The following SEC63 variants were observed in gnomAD, a reference collection of about 807,000 sequenced individuals.
SEC63 encodes the protein translocation protein SEC63 homolog.
A neutral mutation model predicts 116.2 loss-of-function variants in SEC63; 56 were observed. The observed-to-expected ratio is 0.48, with a 90% confidence interval of 0.39 to 0.60. SEC63 has a LOEUF of 0.60. Ranked by LOEUF, SEC63 falls within the 20% of genes least tolerant of loss-of-function variation. The pLI is 0.00. For missense variants in SEC63, 668 were observed against 900.0 expected, an observed-to-expected ratio of 0.74 and a Z score of 3.30; for synonymous variants, 273 against 294.6, an observed-to-expected ratio of 0.93 and a Z score of 0.75.
At chr6:107,941,453 T>C (rs1318948970) in intron 1 of SEC63, among the ~76,000 whole-genome samples, 2 of 150,748 alleles carry the variant, frequency 1.3e-5, no homozygotes, top group African/African-American at 4.9e-5. Context: ...CAATGAGCCA[T>C]GACTGTGCCA....
chr6:107,873,555 GA>G (rs1786184261), intron 19 of SEC63, among the ~76,000 whole-genome samples: 1 of 151,784 alleles, frequency 6.6e-6, no homozygotes, highest in Admixed American at 6.6e-5. Flanking sequence ...AAAAAAACTA[GA>G]AAAAATCATG....
At chr6:107,911,939 A>G (rs1787293188) in intron 6 of SEC63, among the ~76,000 whole-genome samples, 1 of 152,106 alleles carries the variant, frequency 6.6e-6, no homozygotes, top group Admixed American at 6.6e-5. Flanking sequence ...TTTTTCTCCT[A>G]TTACTTGATC....
intron 7 of SEC63, among the ~76,000 whole-genome samples, chr6:107,910,231 C>T (rs766553569): frequency 3.3e-5 from 5 of 151,858 alleles, no homozygotes; most frequent in East Asian, 1.9e-4. Flanking sequence ...TTTGAGAGGC[C>T]GAGGCAGGAT....
intron 7 of SEC63, 119 bp downstream of exon 7, chr6:107,911,227 C>CT (rs1232895849): frequency 2.6e-6 from 2 of 779,080 alleles, no homozygotes; most frequent in African/African-American, 3.5e-5. Flanking sequence ...TGGCAAGACT[C>CT]TTAAATTCAA....
chr6:107,957,455 A>G (rs11759897), intron 1 of SEC63: 77,766 of 154,196 alleles, frequency 0.5, 21,207 homozygotes, highest in South Asian at 0.65. Flanking sequence ...TGCAACAGGG[A>G]AACCGGAGTC....
chr6:107,946,333 A>G (rs1319019247), intron 1 of SEC63, among the ~76,000 whole-genome samples: 2 of 151,694 alleles, frequency 1.3e-5, no homozygotes, highest in Admixed American at 1.3e-4. Flanking sequence ...CCCGGGTCCA[A>G]GCAATTCTCC....
chr6:107,884,765 G>A (rs984599409), intron 16 of SEC63, among the ~76,000 whole-genome samples: 1 of 152,044 alleles, frequency 6.6e-6, no homozygotes, highest in African/African-American at 2.4e-5. Flanking sequence ...ACCAATATTT[G>A]CTCTTAAAAA....
In SEC63 at chr6:107,897,637, T is replaced by G; in HGVS notation, c.1440+12A>C. On this transcript the variant is annotated intron_variant, in intron 14 of 20. Coordinates refer to ENST00000369002, the MANE Select transcript of SEC63 (RefSeq NM_007214.5). ...AACTCTTAAAGCATAAAAATACAGATAGACTACTTACAGCCATTGTTTGCC... is the reference window on the plus strand; with the variant it reads ...AACTCTTAAAGCATAAAAATACAGAGAGACTACTTACAGCCATTGTTTGCC... 6.6e-7 allele frequency: 1 copy of G among 1,515,176 alleles called. No individual in the cohort carries two copies. Among genetic ancestry groups the G allele is most frequent in the Non-Finnish European group, 9.2e-7 (1 of 1,090,148 alleles). 93.9% of individuals were successfully genotyped at this position (1,515,176 alleles called of 1,614,324 possible). A position where few individuals can be genotyped will look rare whatever the true frequency, so the allele number is the denominator to read the frequency against.
rs781747090 is a variant in SEC63 at position 107,876,570 on chromosome 6, T to C, written c.2028A>G (p.Thr676=). 10 of 1,586,198 alleles carry C rather than the reference T, an allele frequency of 6.3e-6. No homozygotes were observed. The highest frequency in any genetic ancestry group is 3.3e-5 in the Admixed American group (2 of 59,828). ...CATGTTGCTTGATAGTTACCTCCTCTGTATCTTTCAGCGTACACACATGAT... is the reference window on the plus strand; with the variant it reads ...CATGTTGCTTGATAGTTACCTCCTCCGTATCTTTCAGCGTACACACATGAT... ...MPYHVCTLKD[T]EEVELKFPAP... Residue 676 remains threonine, a synonymous_variant, in exon 19 of 21, where the codon ACA becomes ACG. Transcript: ENST00000369002.
At chr6:107,898,712 AT>A (rs1786924010) in intron 13 of SEC63, among the ~76,000 whole-genome samples, 1 of 152,222 alleles carries the variant, frequency 6.6e-6, no homozygotes, top group African/African-American at 2.4e-5. Context: ...AACAAAATAA[AT>A]AAAAATAAAA....
At chr6:107,910,683 T>C (rs140439966) in intron 7 of SEC63, among the ~76,000 whole-genome samples, 2 of 152,126 alleles carry the variant, frequency 1.3e-5, no homozygotes, top group African/African-American at 4.8e-5. Flanking sequence ...TATGTACACA[T>C]ATACATATGT....
At chr6:107,919,678 C>A (rs1450820796) in intron 4 of SEC63, among the ~76,000 whole-genome samples, 1 of 151,732 alleles carries the variant, frequency 6.6e-6, no homozygotes, top group South Asian at 2.1e-4. Context: ...AAAAATTAGC[C>A]GGGCATGTTG....
chr6:107,908,206 AT>A (rs1341320156), intron 8 of SEC63, among the ~76,000 whole-genome samples: 2 of 151,286 alleles, frequency 1.3e-5, no homozygotes, highest in Admixed American at 6.6e-5. Flanking sequence ...CTTTTATTTT[AT>A]TTTTTTTTAA....
intron 1 of SEC63, among the ~76,000 whole-genome samples, chr6:107,944,621 C>T (rs1010225245): frequency 1.3e-5 from 2 of 152,000 alleles, no homozygotes; most frequent in African/African-American, 2.4e-5. Context: ...CACTTAAACC[C>T]GGGAAGTGGC....
chr6:107,940,593 A>G (rs1770354155), intron 1 of SEC63, among the ~76,000 whole-genome samples: 1 of 149,684 alleles, frequency 6.7e-6, no homozygotes, highest in African/African-American at 2.4e-5. Context: ...TGGGACACAA[A>G]ATTGCCCCTG....
At chr6:107,906,984 CA>C in intron 8 of SEC63, among the ~76,000 whole-genome samples, 1 of 152,226 alleles carries the variant, frequency 6.6e-6, no homozygotes, top group African/African-American at 2.4e-5. Flanking sequence ...TCAACCACCA[CA>C]AGTGAACAGA....
intron 6 of SEC63, among the ~76,000 whole-genome samples, chr6:107,912,140 T>G (rs759721049): frequency 2.0e-5 from 3 of 152,180 alleles, no homozygotes; most frequent in Non-Finnish European, 4.4e-5. Context: ...AAAGACAGCC[T>G]TTAGACAATT....
intron 17 of SEC63, among the ~76,000 whole-genome samples, chr6:107,882,301 G>C (rs1001100283): frequency 3.9e-5 from 6 of 152,056 alleles, no homozygotes; most frequent in Admixed American, 2.0e-4. Flanking sequence ...CACTCAAAAA[G>C]AACAACGCTA....
chr6:107,941,182 C>T (rs1770366757), intron 1 of SEC63, among the ~76,000 whole-genome samples: 1 of 152,138 alleles, frequency 6.6e-6, no homozygotes, highest in African/African-American at 2.4e-5. Context: ...GTGTCTTGCT[C>T]AAGATCGCAA....
Sources: allele counts gnomAD v4.1 joint callset (sites outside exome capture counted in the v4.1 genomes callset), GRCh38; gene constraint gnomAD v4.1.1; transcripts MANE v1.5; gene names NCBI Gene and HGNC (gene_info 2026-07-23, HGNC 2026-07-21).